Variants in CEMIP2 observed in about 807,000 individuals in gnomAD.
The protein encoded by CEMIP2 is cell migration inducing hyaluronidase 2, also known as cell surface hyaluronidase CEMIP2.
A neutral mutation model predicts 146.9 loss-of-function variants in CEMIP2; 79 were observed. The ratio of observed to expected loss-of-function variants is 0.54; its 90% confidence interval spans 0.45 to 0.65. CEMIP2 has a LOEUF of 0.65. CEMIP2 is among the 30% of genes least tolerant of loss of function. The pLI is 0.00. For synonymous variants in CEMIP2, 601 were observed against 606.3 expected (o/e 0.99, Z 0.13); for missense variants, 1,596 against 1,696.2 (o/e 0.94, Z 1.04).
In CEMIP2 at chr9:71,715,033, AAG is replaced by A. The variant is rs780840799; in HGVS notation, c.2490_2491del (p.Phe831CysfsTer38). On this transcript the variant is annotated frameshift_variant, in exon 15 of 24. Coordinates refer to ENST00000377044, the MANE Select transcript of CEMIP2 (RefSeq NM_013390.3). LOFTEE classifies it high-confidence loss of function. The stretch of plus-strand genomic sequence containing the variant: ...GCCGTAATTCCTGCTCTCCCCAACA[AAG>A]AGAGATTCAGATACCTCTTGGCTGG... 6.2e-7 allele frequency: 1 copy of A among 1,613,888 alleles called. No individual in the cohort carries two copies. Among genetic ancestry groups the A allele is most frequent in the African/African-American group, 1.3e-5 (1 of 74,990 alleles).
chr9:71,766,194 G>A (rs1246336791), intron 1 of CEMIP2, among the ~76,000 whole-genome samples: 1 of 151,054 alleles, frequency 6.6e-6, no homozygotes, highest in South Asian at 2.1e-4. Flanking sequence ...TCAGCCTCCC[G>A]AGTAGCTGGG....
chr9:71,721,676 C>G lies in CEMIP2; in HGVS notation c.2267+751G>C, dbSNP rs139049899. 4.4e-3 allele frequency among the ~76,000 whole-genome samples: 663 copies of G among 152,300 alleles called. 5 individuals are homozygous for G. The highest frequency in any genetic ancestry group is 0.015 in the African/African-American group (617 of 41,564). On this transcript the variant is annotated intron_variant, in intron 12 of 23. Transcript: ENST00000377044. ...TATTCTTTTCCTAAGTGTCTGTCAACAAAGCCTATTAAATCTAGCACTCTA... is the reference window on the plus strand; with the variant it reads ...TATTCTTTTCCTAAGTGTCTGTCAAGAAAGCCTATTAAATCTAGCACTCTA...
In CEMIP2 at chr9:71,695,670, T is replaced by A. The variant is rs182357630; in HGVS notation, c.3598-1063A>T. ...GCCTGGGCGACAGAGTGAGACTCCATCTCAAAAAAAACAAAAAACAAAAAA... is the reference window on the plus strand; with the variant it reads ...GCCTGGGCGACAGAGTGAGACTCCAACTCAAAAAAAACAAAAAACAAAAAA... On this transcript the variant is annotated intron_variant, in intron 20 of 23. Coordinates refer to ENST00000377044, the MANE Select transcript of CEMIP2 (RefSeq NM_013390.3). Among the ~76,000 whole-genome samples the A allele has an allele frequency of 2.6e-3, 392 of 152,046 alleles. 1 individual carries two copies. Among genetic ancestry groups the A allele is most frequent in the Middle Eastern group, 6.8e-3 (2 of 294 alleles).
At chr9:71,726,930 G>T (rs375954451) in intron 10 of CEMIP2, among the ~76,000 whole-genome samples, 91 of 152,266 alleles carry the variant, frequency 6.0e-4, no homozygotes, top group African/African-American at 2.1e-3. Flanking sequence ...AGTGGGACGG[G>T]GATAAGGGGA....
chr9:71,684,471 CT>C lies in CEMIP2; in HGVS notation c.*725del, dbSNP rs1276555907. ...AGTCAAAAGAGGCTAAGGATTAAAGCTGCAAAAATGGTCCCAACAGCCTCAG... is the reference window on the plus strand; with the variant it reads ...AGTCAAAAGAGGCTAAGGATTAAAGCGCAAAAATGGTCCCAACAGCCTCAG... On this transcript the variant is annotated 3_prime_UTR_variant, in exon 24 of 24. Transcript: ENST00000377044. 2.0e-5 allele frequency: 3 copies of C among 152,606 alleles called. No individual in the cohort carries two copies. The highest frequency in any genetic ancestry group is 7.2e-5 in the African/African-American group (3 of 41,440). The allele number at this position is 152,606 out of a possible 1,614,324, so 9.5% of individuals were successfully genotyped here.
chr9:71,704,787 C>T lies in CEMIP2; in HGVS notation c.3002G>A (p.Trp1001Ter). 6.2e-7 allele frequency: 1 copy of T among 1,614,038 alleles called. No homozygotes were observed. Among genetic ancestry groups the T allele is most frequent in the South Asian group, 1.1e-5 (1 of 91,070 alleles). Residue 1001 changes from tryptophan (W) to a stop codon, truncating the protein, a stop_gained, in exon 18 of 24, where the codon TGG becomes TAG. Transcript: ENST00000377044. LOFTEE classifies it high-confidence loss of function. ...GGTCATAGAAAGATTCTGAGTGCTC[C>T]ATGTCTGTACATAGACCTTGAAAAA... ...GTYAQVYVQTWSTQNLSMTIT... is the reference protein window; with the variant it reads ...GTYAQVYVQT
At position 71,685,205 on chromosome 9, in the gene CEMIP2, C is replaced by A. The variant is rs774951255; in HGVS notation, c.4144G>T (p.Ala1382Ser). 6.2e-7 allele frequency: 1 copy of A among 1,607,572 alleles called. No individual in the cohort carries two copies. The highest frequency in any genetic ancestry group is 1.7e-5 in the Admixed American group (1 of 58,396). ...TAAGTTACAGTTAGTCTCTAATGTG[C>A]TTTTGAAGCTTGCTTTAGCAGTTCC... ...DLELLKQASK[A>S]H Residue 1382 changes from alanine (A) to serine (S), a missense_variant, in exon 24 of 24, where the codon GCA (alanine) becomes TCA (serine). Coordinates refer to ENST00000377044, the MANE Select transcript of CEMIP2 (RefSeq NM_013390.3).
rs768660270 is a variant in CEMIP2 at position 71,704,750 on chromosome 9, A to T, written c.3039T>A (p.Asp1013Glu). 6.2e-7 allele frequency: 1 copy of T among 1,614,176 alleles called. No individual in the cohort carries two copies. Among genetic ancestry groups the T allele is most frequent in the Non-Finnish European group, 8.5e-7 (1 of 1,180,032 alleles). ...TQNLSMTITR[D>E]EYPSNPMVLR... ...GCACCATAGGGTTGGACGGATACTC[A>T]TCTCGTGTAATGGTCATAGAAAGAT... Residue 1013 changes from aspartate (D) to glutamate (E), a missense_variant, in exon 18 of 24, where the codon GAT (aspartate) becomes GAA (glutamate). Physicochemically the swap from Asp to Glu is conservative, Grantham distance 45. Transcript: ENST00000377044.
At chr9:71,739,080 T>C (rs1438961468) in intron 5 of CEMIP2, among the ~76,000 whole-genome samples, 1 of 152,084 alleles carries the variant, frequency 6.6e-6, no homozygotes, top group Non-Finnish European at 1.5e-5. Flanking sequence ...TTCTACCTCT[T>C]CCAGAAAGTA....
chr9:71,720,302 T>A (rs1037679202), intron 12 of CEMIP2, among the ~76,000 whole-genome samples: 1 of 152,186 alleles, frequency 6.6e-6, no homozygotes, highest in African/African-American at 2.4e-5. Context: ...TTTTTGTTTG[T>A]TTTTTTGAGA....
intron 1 of CEMIP2, among the ~76,000 whole-genome samples, chr9:71,756,504 TCTCACACA>T (rs1349876244): frequency 1.1e-4 from 12 of 111,774 alleles, no homozygotes; most frequent in Middle Eastern, 4.5e-3. Flanking sequence ...TCTCTCTCTC[TCTCACACA>T]CACACACACA....
In CEMIP2 at chr9:71,750,197, G is replaced by A. The variant is rs1460649140; in HGVS notation, c.177C>T (p.Thr59=). 2 of 1,614,102 alleles carry A rather than the reference G, an allele frequency of 1.2e-6. No homozygotes were observed. The highest frequency in any genetic ancestry group is 8.5e-7 in the Non-Finnish European group (1 of 1,180,000). Residue 59 remains threonine (T), a synonymous_variant, in exon 2 of 24, where the codon ACC becomes ACT. Transcript: ENST00000377044. Reference sequence around the variant, plus strand: ...GCTGTTCTTCAGGTGAGAATGCGAAGGTTGCCCGGTCTTCTCGTCTGATGG... The same window carrying A: ...GCTGTTCTTCAGGTGAGAATGCGAAAGTTGCCCGGTCTTCTCGTCTGATGG... The part of the protein sequence containing the change: ...FTSIRREDRA[T]FAFSPEEQQA...
At chr9:71,687,872 T>C (rs1315218904) in intron 22 of CEMIP2, among the ~76,000 whole-genome samples, 3 of 152,052 alleles carry the variant, frequency 2.0e-5, no homozygotes, top group Non-Finnish European at 4.4e-5. Flanking sequence ...TTTGTTTTTT[T>C]AGAGATAGGG....
intron 10 of CEMIP2, 86 bp downstream of exon 10, chr9:71,729,759 A>G (rs1823559949): frequency 7.5e-7 from 1 of 1,335,658 alleles, no homozygotes; most frequent in Admixed American, 1.7e-5. Flanking sequence ...TTACACTGGC[A>G]CACATGACAT....
chr9:71,755,785 A>G (rs1824416283), intron 1 of CEMIP2, among the ~76,000 whole-genome samples: 1 of 151,268 alleles, frequency 6.6e-6, no homozygotes. Flanking sequence ...AGTGAGTGAG[A>G]CCTTATCTCT....
In CEMIP2 at chr9:71,740,164, T is replaced by C. The variant is rs1188315973; in HGVS notation, c.1103A>G (p.Tyr368Cys). The change falls in exon 5 of 24, where the codon TAT (tyrosine) becomes TGT (cysteine). Residue 368 changes from tyrosine to cysteine, a missense_variant. Tyr to Cys is a radical substitution (Grantham distance 194). Coordinates refer to ENST00000377044, the MANE Select transcript of CEMIP2 (RefSeq NM_013390.3). ...CTTCCCGCCACTGCTATGATTTTCA[T>C]AGTTTCTCACGGATTCATTGCAAGA... ...STSCNESVRN[Y>C]ENHSSGGKAL... 1.2e-6 allele frequency: 2 copies of C among 1,613,978 alleles called. No homozygotes were observed. The highest frequency in any genetic ancestry group is 3.3e-5 in the Admixed American group (2 of 59,998).
At chr9:71,717,447 T>A (rs544072038) in intron 13 of CEMIP2, among the ~76,000 whole-genome samples, 1 of 152,118 alleles carries the variant, frequency 6.6e-6, no homozygotes, top group African/African-American at 2.4e-5. Flanking sequence ...AAATCTTAGC[T>A]CAACATGCAT....
intron 19 of CEMIP2, chr9:71,699,388 G>C (rs546126165): frequency 6.7e-6 from 3 of 450,276 alleles, no homozygotes; most frequent in Non-Finnish European, 1.3e-5. Context: ...CAAGGCTGTA[G>C]TGTACCACAA....
intron 16 of CEMIP2, among the ~76,000 whole-genome samples, chr9:71,711,482 A>T (rs1822903949): frequency 6.6e-6 from 1 of 151,628 alleles, no homozygotes. Flanking sequence ...AGGTGGGAGG[A>T]TGGCTTGAGC....
Sources: gnomAD v4.1 joint callset for allele counts (sites outside exome capture counted in the v4.1 genomes callset) on GRCh38, gnomAD v4.1.1 for gene constraint, MANE v1.5 for transcripts, NCBI Gene and HGNC (gene_info 2026-07-23, HGNC 2026-07-21) for gene names.